Variants in ABCA13 observed in about 807,000 individuals in gnomAD.
ABCA13 encodes the protein ATP binding cassette subfamily A member 13, also known as ATP-binding cassette sub-family A member 13.
In ABCA13, 476 loss-of-function variants were observed where a neutral mutation model predicts 478.7. The observed-to-expected ratio is 0.99, with a 90% CI of 0.92 to 1.07. The LOEUF (loss-of-function observed/expected upper bound fraction) is 1.07, where lower values mean the gene tolerates loss of function less well. Ranked by LOEUF, ABCA13 falls within the 50% of genes least tolerant of loss-of-function variation. The pLI is 0.00. For missense variants in ABCA13, 6,060 were observed against 5,910.6 expected (o/e 1.03, Z -0.83); for synonymous variants, 2,252 against 2,158.9 (o/e 1.04, Z -1.20).
chr7:48,438,886 T>A, intron 42 of ABCA13, among the ~76,000 whole-genome samples: 1 of 145,248 alleles, frequency 6.9e-6, no homozygotes, highest in Admixed American at 6.8e-5. Context: ...TTGCTAAGGT[T>A]TTTTTTTTTT....
intron 48 of ABCA13, among the ~76,000 whole-genome samples, chr7:48,493,336 T>C (rs1830006052): frequency 6.6e-6 from 1 of 152,136 alleles, no homozygotes; most frequent in Non-Finnish European, 1.5e-5. Context: ...TACTTGCTTC[T>C]TTCGTTATTA....
rs1795878024 is a variant in ABCA13 at position 48,273,354 on chromosome 7, G to A, written c.3688G>A (p.Asp1230Asn). The change falls in exon 17 of 62, where the codon GAT (aspartate) becomes AAT (asparagine). Residue 1230 changes from aspartate (D) to asparagine (N), a missense_variant. By Grantham distance (23) the Asp-to-Asn change is conservative. Around this residue, in one of 3 missense-constraint regions of ABCA13, gnomAD observed 4,423 missense variants for 4,309.1 expected, o/e 1.03. Transcript: ENST00000435803. ...NDFHNWEDFL[D>N]LRDFLVALGN... ...CTTCCATAATTGGGAGGACTTCCTG[G>A]ATCTCAGGGATTTTTTGGTAGCTTT... is the stretch of plus-strand genomic sequence containing the variant. The A allele has an allele frequency of 6.2e-7, 1 of 1,613,620 alleles. No homozygotes were observed. Among genetic ancestry groups the A allele is most frequent in the East Asian group, 2.2e-5 (1 of 44,852 alleles).
intron 44 of ABCA13, among the ~76,000 whole-genome samples, chr7:48,470,374 T>A (rs1357543298): frequency 2.0e-5 from 3 of 152,182 alleles, no homozygotes; most frequent in Non-Finnish European, 4.4e-5. Flanking sequence ...TGAAGTCATA[T>A]ATTAAATTAT....
rs145333443 is a variant in ABCA13 at position 48,581,072 on chromosome 7, T to C, written c.14505+698T>C. 1.2e-4 allele frequency among the ~76,000 whole-genome samples: 18 copies of C among 152,274 alleles called. No individual in the cohort carries two copies. The East Asian group carries it at 3.3e-3, about 28-fold the overall frequency. On this transcript the variant is annotated intron_variant, in intron 56 of 61. Coordinates refer to ENST00000435803, the MANE Select transcript of ABCA13 (RefSeq NM_152701.5). ...TACCGTGAGCCACCAAAATTGCAGT[T>C]ACTTAAGCACATTTTTACCTTTTCT...
chr7:48,369,777 C>T (rs964473529), intron 32 of ABCA13, among the ~76,000 whole-genome samples: 1 of 152,128 alleles, frequency 6.6e-6, no homozygotes, highest in East Asian at 1.9e-4. Context: ...CAGTACCATG[C>T]TATTTTGGTG....
chr7:48,202,288 G>A (rs186254459), intron 3 of ABCA13, among the ~76,000 whole-genome samples: 51 of 152,156 alleles, frequency 3.4e-4, no homozygotes, highest in Non-Finnish European at 5.9e-5. Flanking sequence ...TGATTGGTGC[G>A]TTTATAATCC....
chr7:48,338,446 C>T lies in ABCA13; in HGVS notation c.10195C>T (p.Gln3399Ter). 6.3e-7 allele frequency: 1 copy of T among 1,590,272 alleles called. No homozygotes were observed. Residue 3399 changes from glutamine (Q) to a stop codon, truncating the protein, a stop_gained, in exon 29 of 62, where the codon CAG becomes TAG. Transcript: ENST00000435803. LOFTEE classifies it high-confidence loss of function. ...TGTAGACAAACTTACTGAAAAACTC[C>T]AGACATACGGTAAGTGTGCTGATGG... ...IDVDKLTEKL[Q>*]TYGGLLDEMF...
chr7:48,493,026 A>G (rs568376016), intron 48 of ABCA13, among the ~76,000 whole-genome samples: 1 of 152,248 alleles, frequency 6.6e-6, no homozygotes, highest in African/African-American at 2.4e-5. Context: ...AAATAAATAA[A>G]TAACCCAGTC....
chr7:48,295,417 C>T lies in ABCA13; in HGVS notation c.8956-283C>T, dbSNP rs909792375. On this transcript the variant is annotated intron_variant, in intron 20 of 61. Transcript: ENST00000435803. ...ATTGAATTGTGTGTGTTCCTAGGAA[C>T]AGAGCTTCAGGAAGTTAAGAGCCAG... 1.3e-5 allele frequency among the ~76,000 whole-genome samples: 2 copies of T among 152,156 alleles called. 1 individual carries two copies. The highest frequency in any genetic ancestry group is 2.9e-5 in the Non-Finnish European group (2 of 68,042).
chr7:48,325,683 T>C (rs956336355), intron 27 of ABCA13, among the ~76,000 whole-genome samples: 1 of 152,176 alleles, frequency 6.6e-6, no homozygotes, highest in Non-Finnish European at 1.5e-5. Flanking sequence ...GAATAATTAT[T>C]ACTATAAAAA....
intron 42 of ABCA13, 87 bp from the exon 43 acceptor site, chr7:48,454,950 G>T (rs1825483420): frequency 1.4e-6 from 2 of 1,413,516 alleles, no homozygotes; most frequent in Non-Finnish European, 1.8e-6. Context: ...GCGAGATGCC[G>T]CAGGGTCACC....
chr7:48,567,849 C>T (rs780268266), intron 55 of ABCA13, among the ~76,000 whole-genome samples: 17 of 151,974 alleles, frequency 1.1e-4, no homozygotes, highest in Non-Finnish European at 2.5e-4. Flanking sequence ...CGATTTTTTC[C>T]TATAAAATCA....
In ABCA13 at chr7:48,455,239, C is replaced by G. The variant is rs1353432845; in HGVS notation, c.12768C>G (p.Leu4256=). The change falls in exon 43 of 62, where the codon CTC becomes CTG. Residue 4256 remains leucine (L), a synonymous_variant. Coordinates refer to ENST00000435803, the MANE Select transcript of ABCA13 (RefSeq NM_152701.5). ...VRPLATEYPP[L]RLTPGHYQRA... is the part of the protein sequence containing the mutation. ...CCCTGGCCACCGAGTACCCTCCCCT[C>G]AGACTCACACCTGGACATTACCAGC... 1.9e-6 allele frequency: 3 copies of G among 1,605,570 alleles called. No homozygotes were observed. Among genetic ancestry groups the G allele is most frequent in the Non-Finnish European group, 2.6e-6 (3 of 1,176,346 alleles).
intron 33 of ABCA13, 142 bp from the exon 34 acceptor site, chr7:48,374,205 A>T: frequency 1.4e-6 from 1 of 690,390 alleles, no homozygotes; most frequent in Non-Finnish European, 2.4e-6. Context: ...CAAAATATTT[A>T]AATGACTGCC....
chr7:48,188,653 C>A (rs578097689), intron 1 of ABCA13, among the ~76,000 whole-genome samples: 1 of 152,108 alleles, frequency 6.6e-6, no homozygotes, highest in Admixed American at 6.5e-5. Context: ...TCTCTCCCCC[C>A]ACCCCACCCA....
chr7:48,422,310 G>A (rs1820881185), intron 41 of ABCA13, among the ~76,000 whole-genome samples: 1 of 151,930 alleles, frequency 6.6e-6, no homozygotes, highest in African/African-American at 2.4e-5. Flanking sequence ...AAGCATTTAT[G>A]CAGACAGCCT....
chr7:48,376,294 A>C, intron 34 of ABCA13, 147 bp from the exon 35 acceptor site: 1 of 848,036 alleles, frequency 1.2e-6, no homozygotes, highest in Non-Finnish European at 1.7e-6. Flanking sequence ...CATTTCATGA[A>C]AAGTTATGGC....
chr7:48,647,496 G>T lies in ABCA13; in HGVS notation c.*1984G>T, dbSNP rs918810411. On this transcript the variant is annotated 3_prime_UTR_variant, in exon 62 of 62. Coordinates refer to ENST00000435803, the MANE Select transcript of ABCA13 (RefSeq NM_152701.5). ...AATGAGATGTGCTTTAATTTAACCC[G>T]ATTTTTGGAATGTAATTGTGCTTTT... is the stretch of plus-strand genomic sequence containing the variant. 1 of 152,126 alleles carries T rather than the reference G, an allele frequency of 6.6e-6. No individual in the cohort carries two copies. Among genetic ancestry groups the T allele is most frequent in the African/African-American group, 2.4e-5 (1 of 41,420 alleles). 9.4% of individuals were successfully genotyped at this position (152,126 alleles called of 1,614,324 possible).
intron 58 of ABCA13, among the ~76,000 whole-genome samples, chr7:48,612,935 C>G (rs1003938647): frequency 2.6e-5 from 4 of 151,652 alleles, no homozygotes; most frequent in African/African-American, 9.7e-5. Flanking sequence ...CCTCGTTTTT[C>G]TCTACAATAC....
Sources: allele counts gnomAD v4.1 joint callset (sites outside exome capture counted in the v4.1 genomes callset), GRCh38; gene constraint gnomAD v4.1.1; regional missense constraint gnomAD v4.1.1; transcripts MANE v1.5; gene names NCBI Gene and HGNC (gene_info 2026-07-23, HGNC 2026-07-21).